The following BARD1 variants were observed in gnomAD, a reference collection of about 807,000 sequenced individuals.
BARD1 encodes BRCA1-associated RING domain protein 1.
BARD1 carries 73 observed loss-of-function variants against 77.0 expected under a neutral mutation model. The ratio of observed to expected loss-of-function variants is 0.95; its 90% CI spans 0.79 to 1.15. The LOEUF is 1.15. BARD1 is among the 50% of genes most tolerant of loss of function. The probability of loss-of-function intolerance (pLI) is 0.00; values close to 1 mark genes in which losing one functional copy is unlikely to be tolerated. For synonymous variants in BARD1, 384 were observed against 338.0 expected, an observed-to-expected ratio of 1.14 and a Z score of -1.49; for missense variants, 993 against 938.8, an observed-to-expected ratio of 1.06 and a Z score of -0.75.
rs571881760 is a variant in BARD1, at chr2:214,726,344, T to G, written c.*2332A>C. On this transcript the variant is annotated 3_prime_UTR_variant, in exon 11 of 11. Coordinates refer to ENST00000260947, the MANE Select transcript of BARD1 (RefSeq NM_000465.4). ...TTCAAGTAGAACTAGAAAATAGCCA[T>G]GAGAATGTGGAAAAGCTACCAGCCT... 1 of 203,090 alleles carries G rather than the reference T, an allele frequency of 4.9e-6. No individual in the cohort carries two copies. Among genetic ancestry groups the G allele is most frequent in the Non-Finnish European group, 1.0e-5 (1 of 98,856 alleles). The allele number at this position is 203,090 out of a possible 1,614,324, so 12.6% of individuals were successfully genotyped here.
At chr2:214,766,833 T>C (rs1694224126) in intron 6 of BARD1, among the ~76,000 whole-genome samples, 1 of 152,226 alleles carries the variant, frequency 6.6e-6, no homozygotes, top group African/African-American at 2.4e-5. Flanking sequence ...TTTAAACTTT[T>C]ATTCTAGGTT....
At chr2:214,790,338 T>C (rs564719034) in intron 3 of BARD1, among the ~76,000 whole-genome samples, 43 of 152,272 alleles carry the variant, frequency 2.8e-4, no homozygotes, top group African/African-American at 9.6e-4. Flanking sequence ...AATAAGGTCA[T>C]TGCAGATGTA....
intron 3 of BARD1, among the ~76,000 whole-genome samples, chr2:214,782,495 CTTT>C (rs1192132142): frequency 6.6e-6 from 1 of 151,168 alleles, no homozygotes; most frequent in Admixed American, 6.6e-5. Flanking sequence ...ATATAAAATA[CTTT>C]TTAAAAATTT....
At chr2:214,768,386 C>A (rs1261187974) in intron 5 of BARD1, among the ~76,000 whole-genome samples, 1 of 152,176 alleles carries the variant, frequency 6.6e-6, no homozygotes, top group East Asian at 1.9e-4. Context: ...AGGCACTAAA[C>A]CCTCTAAATC....
rs1326565823 is a variant in BARD1 at position 214,809,523 on chromosome 2, G to A, written c.47C>T (p.Ser16Phe). 2 of 1,592,230 alleles carry A rather than the reference G, an allele frequency of 1.3e-6. No homozygotes were observed. The highest frequency in any genetic ancestry group is 1.7e-5 in the Admixed American group (1 of 58,548). ...QPRNRQPRIR[S>F]GNEPRSAPAM... ...GGGCGCGGAACGAGGCTCGTTCCCG[G>A]AGCGGATCCTCGGCTGCCGGTTCCT... The change falls in exon 1 of 11, where the codon TCC becomes TTC. Residue 16 changes from serine to phenylalanine, a missense_variant. Ser to Phe is a radical substitution (Grantham distance 155). Coordinates refer to ENST00000260947, the MANE Select transcript of BARD1 (RefSeq NM_000465.4).
intron 4 of BARD1, 147 bp downstream of exon 4, chr2:214,780,413 G>GA: frequency 1.4e-6 from 1 of 731,766 alleles, no homozygotes; most frequent in South Asian, 1.7e-5. Flanking sequence ...CTCTCCCTAT[G>GA]AATCTGGCTT....
At chr2:214,731,943 A>C (rs975290717) in intron 9 of BARD1, among the ~76,000 whole-genome samples, 6 of 152,248 alleles carry the variant, frequency 3.9e-5, no homozygotes, top group African/African-American at 1.4e-4. Flanking sequence ...CATCAATAAA[A>C]ATAAGTAATT....
Position 214,728,775 on chromosome 2 carries a change from A to G in BARD1, c.2235T>C (p.Tyr745=), listed in dbSNP as rs747122703. The G allele has an allele frequency of 2.5e-6, 4 of 1,614,066 alleles. No homozygotes were observed. Among genetic ancestry groups the G allele is most frequent in the African/African-American group, 1.3e-5 (1 of 74,922 alleles). ...QYIIYEDLCN[Y]HPERVRQGKV... is the part of the protein sequence containing the mutation. ...TGCCCTGCCGAACCCTCTCTGGGTG[A>G]TAATTACACAAATCTTCATAGATGA... The change falls in exon 11 of 11, where the codon TAT becomes TAC. Residue 745 remains tyrosine (Y), a synonymous_variant. Coordinates refer to ENST00000260947, the MANE Select transcript of BARD1 (RefSeq NM_000465.4).
rs1064793050 is a variant in BARD1 at position 214,780,976 on chromosome 2, G to T, written c.898C>A (p.Pro300Thr). The change falls in exon 4 of 11, where the codon CCT becomes ACT. Residue 300 changes from proline to threonine, a missense_variant. Pro to Thr is a conservative substitution (Grantham distance 38). Coordinates refer to ENST00000260947, the MANE Select transcript of BARD1 (RefSeq NM_000465.4). ...DTKSRNEVVT[P>T]EKVCKNYLTS... Reference sequence around the variant, plus strand: ...AGATAATTTTTGCAGACCTTCTCAGGAGTCACTACTTCATTCCTGCTCTTA... The same window carrying T: ...AGATAATTTTTGCAGACCTTCTCAGTAGTCACTACTTCATTCCTGCTCTTA... The T allele has an allele frequency of 6.2e-7, 1 of 1,613,534 alleles. No homozygotes were observed.
At chr2:214,765,439 C>A (rs1694150752) in intron 6 of BARD1, among the ~76,000 whole-genome samples, 1 of 152,152 alleles carries the variant, frequency 6.6e-6, no homozygotes, top group South Asian at 2.1e-4. Flanking sequence ...AATAGAAATG[C>A]AGCAGGCATC....
intron 6 of BARD1, among the ~76,000 whole-genome samples, chr2:214,759,257 G>A (rs1693836949): frequency 1.3e-5 from 2 of 152,000 alleles, no homozygotes; most frequent in South Asian, 4.2e-4. Flanking sequence ...GTTAATGGCA[G>A]ATCAAGTACC....
At chr2:214,767,698 A>C (rs1346844205) in intron 5 of BARD1, 44 bp from the exon 6 acceptor site, 6 of 1,540,108 alleles carry the variant, frequency 3.9e-6, no homozygotes, top group East Asian at 2.2e-5. Context: ...GTGATAAGAA[A>C]GAGCAATGGA....
At chr2:214,750,186 A>G (rs190555683) in intron 7 of BARD1, among the ~76,000 whole-genome samples, 1 of 152,054 alleles carries the variant, frequency 6.6e-6, no homozygotes, top group East Asian at 1.9e-4. Flanking sequence ...TCTTCTCTCC[A>G]TCCCCACATA....
rs1325173633 is a variant in BARD1, at chr2:214,728,157, T to C, written c.*519A>G. 8.8e-6 allele frequency: 2 copies of C among 228,354 alleles called. No homozygotes were observed. The highest frequency in any genetic ancestry group is 6.3e-5 in the East Asian group (1 of 15,880). The allele number at this position is 228,354 out of a possible 1,614,324, so 14.1% of individuals were successfully genotyped here. On this transcript the variant is annotated 3_prime_UTR_variant, in exon 11 of 11. Transcript: ENST00000260947. ...CAAAGTAAATTATTAAGAAAAGAAA[T>C]GAACACAATATAGGATAAAGACAAT...
At chr2:214,730,945 C>A (rs1231568386) in intron 9 of BARD1, 1 of 455,470 alleles carries the variant, frequency 2.2e-6, no homozygotes, top group Non-Finnish European at 4.4e-6. Flanking sequence ...TATGTCTAAT[C>A]GTCTGTTAAA....
chr2:214,750,044 A>G, intron 7 of BARD1, among the ~76,000 whole-genome samples: 1 of 152,120 alleles, frequency 6.6e-6, no homozygotes, highest in Non-Finnish European at 1.5e-5. Flanking sequence ...CTACCTCCTT[A>G]TCTTAAACAA....
chr2:214,791,687 C>A (rs549096093), intron 3 of BARD1, among the ~76,000 whole-genome samples: 1 of 152,248 alleles, frequency 6.6e-6, no homozygotes, highest in South Asian at 2.1e-4. Flanking sequence ...AAAATGTGCT[C>A]ATCTAATTAA....
At chr2:214,752,781 A>C (rs1693520249) in intron 6 of BARD1, among the ~76,000 whole-genome samples, 1 of 152,154 alleles carries the variant, frequency 6.6e-6, no homozygotes, top group Non-Finnish European at 1.5e-5. Flanking sequence ...TAGTATTATG[A>C]ATTTTTCACA....
intron 9 of BARD1, among the ~76,000 whole-genome samples, chr2:214,741,958 A>C (rs77908959): frequency 0.033 from 5,092 of 152,312 alleles, 276 homozygotes; most frequent in African/African-American, 0.12. Flanking sequence ...TTTAGTTTAT[A>C]AAATGTGTTG....
Sources: gnomAD v4.1 joint callset for allele counts (sites outside exome capture counted in the v4.1 genomes callset) on GRCh38, gnomAD v4.1.1 for gene constraint, MANE v1.5 for transcripts, NCBI Gene and HGNC (gene_info 2026-07-23, HGNC 2026-07-21) for gene names.